RAB11FIP1: variants seen among roughly 807,000 people sequenced by gnomAD.
RAB11FIP1 encodes rab11 family-interacting protein 1.
In RAB11FIP1, 49 loss-of-function variants were observed where a neutral mutation model predicts 83.1. The observed-to-expected ratio is 0.59, with a 90% CI of 0.47 to 0.75. The LOEUF (loss-of-function observed/expected upper bound fraction) is 0.75, where lower values mean the gene tolerates loss of function less well. RAB11FIP1 is among the 30% of genes least tolerant of loss of function. RAB11FIP1 has a pLI of 0.00. For synonymous variants in RAB11FIP1, 670 were observed against 656.0 expected (o/e 1.02, Z -0.33); for missense variants, 1,536 against 1,598.7 (o/e 0.96, Z 0.67).
chr8:37,872,078 A>G lies in RAB11FIP1; in HGVS notation c.2724T>C (p.Thr908=), dbSNP rs1192998085. The G allele has an allele frequency of 1.9e-6, 3 of 1,613,940 alleles. No homozygotes were observed. The highest frequency in any genetic ancestry group is 2.5e-6 in the Non-Finnish European group (3 of 1,180,020). Residue 908 remains threonine, a synonymous_variant, in exon 4 of 6, where the codon ACT becomes ACC. Coordinates refer to ENST00000330843, the MANE Select transcript of RAB11FIP1 (RefSeq NM_001002814.3). ...CCTCTCCCTCCATCCTAAAGAGTGGAGTGTCTTTCGCTGAGCTTGCTTCAC... is the reference window on the plus strand; with the variant it reads ...CCTCTCCCTCCATCCTAAAGAGTGGGGTGTCTTTCGCTGAGCTTGCTTCAC... ...PMSEASSAKD[T]PLFRMEGEDA...
intron 4 of RAB11FIP1, chr8:37,870,914 G>T: frequency 3.5e-6 from 1 of 287,008 alleles, no homozygotes; most frequent in South Asian, 7.2e-5. Flanking sequence ...AAACATACAA[G>T]CTTCACGTTG....
Position 37,899,482 on chromosome 8 carries a change from G to A in RAB11FIP1, c.-41C>T. ...CCAGAAGCGAGGAGAAGATCGCCGC[G>A]ACTGGCGGCCTCCACGGCCCGCCCC... On this transcript the variant is annotated 5_prime_UTR_variant, in exon 1 of 6. Transcript: ENST00000330843. This position sits in a 1 kb window ranked among gnomAD's most constrained non-coding sequence, Gnocchi z 4.5. 1.3e-6 allele frequency: 2 copies of A among 1,484,820 alleles called. No individual in the cohort carries two copies. Among genetic ancestry groups the A allele is most frequent in the Non-Finnish European group, 1.8e-6 (2 of 1,121,462 alleles). 92.0% of individuals were successfully genotyped at this position (1,484,820 alleles called of 1,614,324 possible).
chr8:37,859,706 A>G lies in RAB11FIP1; in HGVS notation c.*3189T>C, dbSNP rs543337991. On this transcript the variant is annotated 3_prime_UTR_variant, in exon 6 of 6. Coordinates refer to ENST00000330843, the MANE Select transcript of RAB11FIP1 (RefSeq NM_001002814.3). ...AATTTGATGCTTCCCTCAAGTCCTG[A>G]CTGCTCTTTCTGAGGCAGCCAGGCT... 2.6e-5 allele frequency: 4 copies of G among 152,350 alleles called. No individual in the cohort carries two copies. The highest frequency in any genetic ancestry group is 9.6e-5 in the African/African-American group (4 of 41,578). 9.4% of individuals were successfully genotyped at this position (152,350 alleles called of 1,614,324 possible).
At position 37,861,806 on chromosome 8, in the gene RAB11FIP1, C is replaced by G. The variant is rs558719095; in HGVS notation, c.*1089G>C. The G allele has an allele frequency of 3.2e-3, 1,065 of 329,746 alleles. 4 individuals carry two copies. Among genetic ancestry groups the G allele is most frequent in the Non-Finnish European group, 4.7e-3 (803 of 170,168 alleles). The allele number at this position is 329,746 out of a possible 1,614,324, so 20.4% of individuals were successfully genotyped here. A position where few individuals can be genotyped will look rare whatever the true frequency, so the allele number is the denominator to read the frequency against. On this transcript the variant is annotated 3_prime_UTR_variant, in exon 6 of 6. Transcript: ENST00000330843. ...GTTTCGCCATGTTGGTCAGGCTGGT[C>G]TCGAACTCCTGACCTCAAGTGATCC...
At position 37,875,268 on chromosome 8, in the gene RAB11FIP1, T is replaced by C; in HGVS notation, c.869A>G (p.Asn290Ser). 1 of 1,613,988 alleles carries C rather than the reference T, an allele frequency of 6.2e-7. No individual in the cohort carries two copies. The highest frequency in any genetic ancestry group is 8.5e-7 in the Non-Finnish European group (1 of 1,179,984). ...STDLKQLNQV[N>S]FTLPKKEGLS... The stretch of plus-strand genomic sequence containing the variant: ...TCCTTCCTTCTTGGGAAGGGTAAAG[T>C]TGACCTGGTTCAGTTGCTTAAGATC... Residue 290 changes from asparagine to serine, a missense_variant, in exon 3 of 6, where the codon AAC becomes AGC. Coordinates refer to ENST00000330843, the MANE Select transcript of RAB11FIP1 (RefSeq NM_001002814.3).
At chr8:37,870,820 T>G in intron 4 of RAB11FIP1, 1 of 338,444 alleles carries the variant, frequency 3.0e-6, no homozygotes, top group East Asian at 5.3e-5. Context: ...AGTCTCTTAT[T>G]TTTTTAAGTC....
Position 37,899,211 on chromosome 8 carries a change from C to T in RAB11FIP1, c.231G>A (p.Leu77=), listed in dbSNP as rs765076771. ...REEATFELPS[L]LSSGPAAAAT... is the part of the protein sequence containing the mutation. ...CGGCGGCCGCGGGTCCGGAGGACAG[C>T]AGCGATGGCAGCTCGAAGGTGGCCT... The change falls in exon 1 of 6, where the codon CTG becomes CTA. Residue 77 remains leucine, a synonymous_variant. Transcript: ENST00000330843. This position sits in a 1 kb window ranked among gnomAD's most constrained non-coding sequence, Gnocchi z 4.5. 3 of 1,577,998 alleles carry T rather than the reference C, an allele frequency of 1.9e-6. No individual in the cohort carries two copies. The highest frequency in any genetic ancestry group is 2.3e-5 in the East Asian group (1 of 43,426).
intron 5 of RAB11FIP1, 38 bp from the exon 6 acceptor site, chr8:37,863,151 T>A: frequency 1.3e-6 from 2 of 1,540,716 alleles, no homozygotes; most frequent in Non-Finnish European, 8.9e-7. Flanking sequence ...AAAGGAGTTA[T>A]AAAATTAGCA....
In RAB11FIP1 at chr8:37,872,149, G is replaced by C; in HGVS notation, c.2653C>G (p.Leu885Val). Residue 885 changes from leucine to valine, a missense_variant, in exon 4 of 6, where the codon CTC becomes GTC. Transcript: ENST00000330843. ...CTCTCCTCCTGGGAGGGGAGGAGGA[G>C]GTGATCCGCTGGGGAGGCTGGCGCA... ...CGAPASPADH[L>V]LLPSQEESFS... 1 of 1,614,004 alleles carries C rather than the reference G, an allele frequency of 6.2e-7. No homozygotes were observed. Among genetic ancestry groups the C allele is most frequent in the Non-Finnish European group, 8.5e-7 (1 of 1,179,974 alleles).
chr8:37,863,254 CTTTCTTTT>C, intron 5 of RAB11FIP1, 141 bp from the exon 6 acceptor site: 1 of 647,742 alleles, frequency 1.5e-6, no homozygotes, highest in Non-Finnish European at 2.6e-6. Context: ...TTCTTTCTTT[CTTTCTTTT>C]TGAGACTGAG....
chr8:37,869,500 G>A (rs535450403), intron 5 of RAB11FIP1, among the ~76,000 whole-genome samples: 2 of 152,216 alleles, frequency 1.3e-5, no homozygotes, highest in East Asian at 3.9e-4. Context: ...GCTGAGGCAG[G>A]AGAATCGCTT....
intron 1 of RAB11FIP1, 157 bp from the exon 2 acceptor site, chr8:37,877,708 ATTT>A (rs59670170): frequency 0.038 from 7,889 of 208,268 alleles, no homozygotes; most frequent in South Asian, 0.072. Context: ...TGAGAGCAGA[ATTT>A]TTTTTTTTTT....
Position 37,899,374 on chromosome 8 carries a change from G to T in RAB11FIP1, c.68C>A (p.Thr23Lys). 1 of 1,603,634 alleles carries T rather than the reference G, an allele frequency of 6.2e-7. No homozygotes were observed. The highest frequency in any genetic ancestry group is 8.5e-7 in the Non-Finnish European group (1 of 1,176,108). Residue 23 changes from threonine (T) to lysine (K), a missense_variant, in exon 1 of 6, where the codon ACG becomes AAG. Coordinates refer to ENST00000330843, the MANE Select transcript of RAB11FIP1 (RefSeq NM_001002814.3). The surrounding 1 kb of genome is among the most constrained non-coding windows in gnomAD (Gnocchi z 4.5). ...AVWSPTHVQVTVLQARGLRAK... is the reference protein window; with the variant it reads ...AVWSPTHVQVKVLQARGLRAK... ...CCGCAGGCCCCGCGCCTGCAGCACCGTCACCTGCACGTGGGTTGGGGACCA... is the reference window on the plus strand; with the variant it reads ...CCGCAGGCCCCGCGCCTGCAGCACCTTCACCTGCACGTGGGTTGGGGACCA...
intron 1 of RAB11FIP1, among the ~76,000 whole-genome samples, chr8:37,888,855 T>C (rs1465451076): frequency 1.4e-5 from 2 of 147,112 alleles, no homozygotes; most frequent in Non-Finnish European, 3.0e-5. Flanking sequence ...CGGACTGCAG[T>C]GGCGCTATCT....
chr8:37,891,699 C>T (rs1435402979), intron 1 of RAB11FIP1, among the ~76,000 whole-genome samples: 1 of 152,028 alleles, frequency 6.6e-6, no homozygotes, highest in Non-Finnish European at 1.5e-5. Flanking sequence ...GCTTACAGTT[C>T]GTAATGCAAA....
chr8:37,892,437 T>C (rs1168541825), intron 1 of RAB11FIP1, among the ~76,000 whole-genome samples: 1 of 137,734 alleles, frequency 7.3e-6, no homozygotes, highest in African/African-American at 3.4e-5. Context: ...ATTTATTTAT[T>C]TATTTATTTA....
At chr8:37,873,320 G>C in intron 3 of RAB11FIP1, 141 bp from the exon 4 acceptor site, 1 of 950,540 alleles carries the variant, frequency 1.1e-6, no homozygotes, top group Non-Finnish European at 1.5e-6. Flanking sequence ...AAAAAGGAAC[G>C]CTAGCCGGGC....
rs779291619 is a variant in RAB11FIP1, at chr8:37,871,364, C to T, written c.3438G>A (p.Lys1146=). The T allele has an allele frequency of 2.5e-6, 4 of 1,614,222 alleles. No individual in the cohort carries two copies. Among genetic ancestry groups the T allele is most frequent in the Non-Finnish European group, 3.4e-6 (4 of 1,180,048 alleles). ...GTGAGACCCAGGCCTGGAGGAGTGG[C>T]TTCCTCTTGCCAAAATTTTCAACTC... The part of the protein sequence containing the change: ...AGRVENFGKR[K]PLLQAWVSPS... The change falls in exon 4 of 6, where the codon AAG becomes AAA. Residue 1146 remains lysine (K), a synonymous_variant. Transcript: ENST00000330843.
Position 37,877,321 on chromosome 8 carries a change from TCGACCGAAGGTGTCGTG to T in RAB11FIP1, c.585_601del (p.Ser195ArgfsTer3). The T allele has an allele frequency of 6.2e-7, 1 of 1,614,192 alleles. No individual in the cohort carries two copies. The highest frequency in any genetic ancestry group is 8.5e-7 in the Non-Finnish European group (1 of 1,180,008). ...TTTAACCACAGACTCATCATCACTG[TCGACCGAAGGTGTCGTG>T]CTAGGGATGATGGCGGAGGCGGTGT... On this transcript the variant is annotated frameshift_variant, in exon 2 of 6. Coordinates refer to ENST00000330843, the MANE Select transcript of RAB11FIP1 (RefSeq NM_001002814.3). LOFTEE classifies it high-confidence loss of function.
Sources: gnomAD v4.1 joint callset for allele counts (sites outside exome capture counted in the v4.1 genomes callset) on GRCh38, gnomAD v4.1.1 for gene constraint, Gnocchi (gnomAD v3.1) non-coding constraint, MANE v1.5 for transcripts, NCBI Gene and HGNC (gene_info 2026-07-23, HGNC 2026-07-21) for gene names.